Variants in CHLSN observed in about 807,000 individuals in gnomAD.
CHLSN encodes cholesin.
the CHLSN span, among the ~76,000 whole-genome samples, chr7:996,210 C>A: frequency 7.9e-4 from 120 of 152,302 alleles, 1 homozygote; most frequent in African/African-American, 2.8e-3. Context: ...CCCAGGCCCT[C>A]CCCACAACAA....
At chr7:1,057,622 T>G in the CHLSN span, 1 of 769,934 alleles carries the variant, frequency 1.3e-6, no homozygotes, top group East Asian at 2.4e-5. Flanking sequence ...GGCCTGGTGG[T>G]GGGCGTGCCA....
the CHLSN span, among the ~76,000 whole-genome samples, chr7:1,038,941 C>T: frequency 1.4e-5 from 1 of 70,532 alleles, no homozygotes; most frequent in Non-Finnish European, 3.0e-5. Context: ...GGCGCCTCTG[C>T]CCGGCCGCCC....
the CHLSN span, among the ~76,000 whole-genome samples, chr7:980,968 C>T: frequency 9.2e-5 from 14 of 151,960 alleles, no homozygotes; most frequent in African/African-American, 3.4e-4. Context: ...GCTGGGATTA[C>T]AGGCATAAGC....
the CHLSN span, chr7:1,127,141 AC>A: frequency 1.6e-6 from 2 of 1,276,018 alleles, no homozygotes; most frequent in South Asian, 1.7e-5. Flanking sequence ...ACGCCTCCGC[AC>A]CTGTTCCAGG....
At chr7:1,070,552 G>A in the CHLSN span, among the ~76,000 whole-genome samples, 23 of 144,190 alleles carry the variant, frequency 1.6e-4, no homozygotes, top group Non-Finnish European at 2.6e-4. Context: ...AGGGACACAC[G>A]CACACACGTG....
At chr7:1,059,965 G>A in the CHLSN span, among the ~76,000 whole-genome samples, 1,424 of 26,978 alleles carry the variant, frequency 0.053, 2 homozygotes, top group East Asian at 0.15. Context: ...GGTCTTAGGC[G>A]GGCCCGTAGT....
chr7:1,093,753 G>A, the CHLSN span: 1 of 452,836 alleles, frequency 2.2e-6, no homozygotes, highest in Non-Finnish European at 4.7e-6. Context: ...TAAAATGTAA[G>A]AAAAGCTGAT....
At chr7:1,037,778 C>T in the CHLSN span, among the ~76,000 whole-genome samples, 36 of 56,704 alleles carry the variant, frequency 6.3e-4, no homozygotes, top group East Asian at 0.01. Flanking sequence ...TCCGCCCGGC[C>T]GCCATCCCAT....
the CHLSN span, among the ~76,000 whole-genome samples, chr7:1,052,422 T>G: frequency 1.3e-5 from 2 of 149,910 alleles, no homozygotes; most frequent in African/African-American, 2.5e-5. This position sits in a 1 kb window ranked among gnomAD's most constrained non-coding sequence, Gnocchi z 4.2. Context: ...TCTTGAGGAG[T>G]CGTGGGGGAG....
chr7:1,087,246 T>G, the CHLSN span: 1 of 152,088 alleles, frequency 6.6e-6, no homozygotes, highest in Non-Finnish European at 1.5e-5. Flanking sequence ...GGACGGCAGG[T>G]AAGTTCCGAC....
At chr7:1,059,723 C>G in the CHLSN span, among the ~76,000 whole-genome samples, 3 of 6,992 alleles carry the variant, frequency 4.3e-4, no homozygotes, top group Non-Finnish European at 5.6e-4. Context: ...CTTAGCGGGG[C>G]GGGTCTTAGG....
At chr7:1,036,217 C>T in the CHLSN span, among the ~76,000 whole-genome samples, 2 of 152,248 alleles carry the variant, frequency 1.3e-5, no homozygotes, top group Non-Finnish European at 2.9e-5. Flanking sequence ...TCAAAACCCA[C>T]AGAGCATGCC....
At chr7:1,122,287 AG>A in the CHLSN span, among the ~76,000 whole-genome samples, 1 of 152,204 alleles carries the variant, frequency 6.6e-6, no homozygotes, top group Non-Finnish European at 1.5e-5. Context: ...AGAGGAAGCC[AG>A]GGGGGTTCTG....
chr7:1,030,340 C>G, the CHLSN span, among the ~76,000 whole-genome samples: 2 of 152,212 alleles, frequency 1.3e-5, no homozygotes, highest in African/African-American at 4.8e-5. Flanking sequence ...TTTCTTCTCC[C>G]CGTAGTTCTG....
chr7:1,027,048 G>C, the CHLSN span: 1 of 152,202 alleles, frequency 6.6e-6, no homozygotes, highest in African/African-American at 2.4e-5. Flanking sequence ...TTTGAGCAAC[G>C]AGAAAAAAAC....
the CHLSN span, among the ~76,000 whole-genome samples, chr7:1,029,751 T>G: frequency 4.6e-5 from 7 of 152,182 alleles, no homozygotes; most frequent in Admixed American, 4.6e-4. Flanking sequence ...GGGGAGATGG[T>G]GTGGGCACCC....
At chr7:1,136,821 A>G in the CHLSN span, among the ~76,000 whole-genome samples, 1 of 151,956 alleles carries the variant, frequency 6.6e-6, no homozygotes, top group East Asian at 1.9e-4. Context: ...CCATCTGATG[A>G]GGTTCACATA....
At chr7:1,069,108 G>A in the CHLSN span, among the ~76,000 whole-genome samples, 1 of 152,158 alleles carries the variant, frequency 6.6e-6, no homozygotes, top group African/African-American at 2.4e-5. Context: ...CGAGGCGGGC[G>A]GATCACCTGA....
At chr7:1,032,689 C>T in the CHLSN span, among the ~76,000 whole-genome samples, 79 of 152,370 alleles carry the variant, frequency 5.2e-4, no homozygotes, top group African/African-American at 1.9e-3. Flanking sequence ...CCCACACCGC[C>T]AGGCACCCTC....
Sources: gnomAD v4.1 joint callset for allele counts (sites outside exome capture counted in the v4.1 genomes callset) on GRCh38, gnomAD v4.1.1 for gene constraint, Gnocchi (gnomAD v3.1) non-coding constraint, MANE v1.5 for transcripts, NCBI Gene and HGNC (gene_info 2026-07-23, HGNC 2026-07-21) for gene names.